PTPN13: variants seen among roughly 807,000 people sequenced by gnomAD.
PTPN13 encodes tyrosine-protein phosphatase non-receptor type 13.
Under a neutral mutation model 284.0 loss-of-function variants are expected in PTPN13, and 191 were observed. The ratio of observed to expected loss-of-function variants is 0.67; its 90% CI spans 0.60 to 0.76. The LOEUF is 0.76. Among genes scored for constraint, PTPN13 ranks in the 30% least tolerant of loss-of-function variants. The pLI is 0.00. For missense variants in PTPN13, 2,797 were observed against 2,939.9 expected (o/e 0.95, Z 1.12); for synonymous variants, 986 against 1,022.3 (o/e 0.96, Z 0.68).
Position 86,759,005 on chromosome 4 carries a change from A to G in PTPN13, c.3485A>G (p.Glu1162Gly). Reference sequence around the variant, plus strand: ...GGAGTCAGCCACCATGCTGCAATTGAAATTTTGCAAAATGCACCTGAAGAT... The same window carrying G: ...GGAGTCAGCCACCATGCTGCAATTGGAATTTTGCAAAATGCACCTGAAGAT... ...LEGVSHHAAI[E>G]ILQNAPEDVT... Residue 1162 changes from glutamate to glycine, a missense_variant, in exon 23 of 48, where the codon GAA becomes GGA. Coordinates refer to ENST00000411767, the MANE Select transcript of PTPN13 (RefSeq NM_080683.3). 1 of 1,613,766 alleles carries G rather than the reference A, an allele frequency of 6.2e-7. No homozygotes were observed. The highest frequency in any genetic ancestry group is 1.1e-5 in the South Asian group (1 of 91,080).
At chr4:86,653,860 T>G (rs551351196) in intron 2 of PTPN13, among the ~76,000 whole-genome samples, 57 of 152,316 alleles carry the variant, frequency 3.7e-4, no homozygotes, top group Admixed American at 7.2e-4. Context: ...CAGAGCTTTA[T>G]TAAGAAACAT....
chr4:86,621,150 G>C (rs1247117155), intron 1 of PTPN13, among the ~76,000 whole-genome samples: 1 of 151,930 alleles, frequency 6.6e-6, no homozygotes, highest in African/African-American at 2.4e-5. Context: ...GGTACACGTG[G>C]GGATCACACT....
intron 17 of PTPN13, among the ~76,000 whole-genome samples, chr4:86,745,972 A>G (rs2149187307): frequency 6.6e-6 from 1 of 152,246 alleles, no homozygotes; most frequent in East Asian, 1.9e-4. Flanking sequence ...ACAGGAAACA[A>G]GGCAGAGGAT....
At chr4:86,597,431 G>C (rs1763913475) in intron 1 of PTPN13, among the ~76,000 whole-genome samples, 2 of 151,596 alleles carry the variant, frequency 1.3e-5, no homozygotes, top group Admixed American at 1.3e-4. Context: ...TTTTTAAATA[G>C]AGACAATGTC....
chr4:86,614,468 C>G (rs1337953798), intron 1 of PTPN13, among the ~76,000 whole-genome samples: 1 of 151,998 alleles, frequency 6.6e-6, no homozygotes, highest in Non-Finnish European at 1.5e-5. Flanking sequence ...CTCAGTAAAG[C>G]TATTATTTCT....
intron 17 of PTPN13, among the ~76,000 whole-genome samples, chr4:86,749,452 T>C (rs1554333136): frequency 6.6e-6 from 1 of 152,300 alleles, no homozygotes; most frequent in East Asian, 1.9e-4. Flanking sequence ...AATTGCTGCT[T>C]TCCAGAGGGC....
chr4:86,653,000 T>C (rs1262465759), intron 2 of PTPN13, among the ~76,000 whole-genome samples: 1 of 152,038 alleles, frequency 6.6e-6, no homozygotes, highest in Non-Finnish European at 1.5e-5. Context: ...CATCAGTTTT[T>C]CCTTCTGCTT....
intron 1 of PTPN13, among the ~76,000 whole-genome samples, chr4:86,632,784 A>G (rs1332454917): frequency 6.6e-6 from 1 of 151,542 alleles, no homozygotes; most frequent in Admixed American, 6.6e-5. Flanking sequence ...TATACTTCAC[A>G]TACAATAAAA....
At position 86,722,415 on chromosome 4, in the gene PTPN13, T is replaced by G; in HGVS notation, c.1589T>G (p.Met530Arg). The change falls in exon 10 of 48, where the codon ATG becomes AGG. Residue 530 changes from methionine (M) to arginine (R), a missense_variant. Coordinates refer to ENST00000411767, the MANE Select transcript of PTPN13 (RefSeq NM_080683.3). ...PLREIALETAMTQRKLRNFFG... is the reference protein window; with the variant it reads ...PLREIALETARTQRKLRNFFG... ...AGAGAAATTGCCCTAGAAACAGCCA[T>G]GACTCAAAGAAAACTGAGGGTAAGT... The G allele has an allele frequency of 6.2e-7, 1 of 1,612,800 alleles. No homozygotes were observed. Among genetic ancestry groups the G allele is most frequent in the Non-Finnish European group, 8.5e-7 (1 of 1,178,976 alleles).
intron 16 of PTPN13, 128 bp from the exon 17 acceptor site, chr4:86,744,838 G>A (rs996849582): frequency 1.2e-5 from 9 of 728,180 alleles, no homozygotes; most frequent in Non-Finnish European, 1.8e-5. Context: ...TGTCTTTATT[G>A]TTAAGTGATG....
chr4:86,764,831 A>G (rs1739106972), intron 25 of PTPN13, 107 bp downstream of exon 25: 1 of 1,235,790 alleles, frequency 8.1e-7, no homozygotes, highest in African/African-American at 1.6e-5. Flanking sequence ...GGACACATCA[A>G]ATACCTCCAA....
chr4:86,707,354 A>G (rs1731881798), intron 7 of PTPN13, among the ~76,000 whole-genome samples: 1 of 152,208 alleles, frequency 6.6e-6, no homozygotes, highest in African/African-American at 2.4e-5. Flanking sequence ...TCTTCCTTCT[A>G]GTAGTGTGAT....
At chr4:86,679,691 G>C (rs1001977773) in intron 3 of PTPN13, among the ~76,000 whole-genome samples, 3 of 152,218 alleles carry the variant, frequency 2.0e-5, no homozygotes, top group African/African-American at 7.2e-5. Flanking sequence ...GCTAAAAGGA[G>C]CTATGTAGCA....
intron 42 of PTPN13, among the ~76,000 whole-genome samples, chr4:86,799,976 T>G (rs1381221189): frequency 6.6e-6 from 1 of 151,712 alleles, no homozygotes; most frequent in Non-Finnish European, 1.5e-5. Flanking sequence ...TAGCTGGGAT[T>G]ACAAGTGTGC....
chr4:86,606,449 A>G (rs1764747694), intron 1 of PTPN13, among the ~76,000 whole-genome samples: 1 of 151,878 alleles, frequency 6.6e-6, no homozygotes, highest in Admixed American at 6.6e-5. Context: ...AGGATTCATA[A>G]TTTAAAATTA....
chr4:86,616,767 T>G (rs537779182), intron 1 of PTPN13, among the ~76,000 whole-genome samples: 1 of 152,346 alleles, frequency 6.6e-6, no homozygotes, highest in African/African-American at 2.4e-5. Flanking sequence ...TCCAATGCCA[T>G]GCTTTCTATA....
At chr4:86,636,761 G>A (rs952879155) in intron 2 of PTPN13, among the ~76,000 whole-genome samples, 4 of 151,890 alleles carry the variant, frequency 2.6e-5, no homozygotes, top group South Asian at 4.2e-4. Context: ...CATCACAATT[G>A]AAAGAACTAG....
At chr4:86,616,588 C>T (rs1229704514) in intron 1 of PTPN13, among the ~76,000 whole-genome samples, 1 of 152,014 alleles carries the variant, frequency 6.6e-6, no homozygotes, top group Non-Finnish European at 1.5e-5. Flanking sequence ...CTTGGGTCAT[C>T]CCCTTGGTGA....
intron 45 of PTPN13, 84 bp downstream of exon 45, chr4:86,807,981 T>C (rs1382912124): frequency 8.4e-7 from 1 of 1,194,908 alleles, no homozygotes; most frequent in Non-Finnish European, 1.2e-6. Context: ...ATTGCACCAA[T>C]GTTATTTCTA....
Sources: allele counts gnomAD v4.1 joint callset (sites outside exome capture counted in the v4.1 genomes callset), GRCh38; gene constraint gnomAD v4.1.1; transcripts MANE v1.5; gene names NCBI Gene and HGNC (gene_info 2026-07-23, HGNC 2026-07-21).